The following NCKAP5 variants were observed in gnomAD, a reference collection of about 807,000 sequenced individuals.
The protein encoded by NCKAP5 is nck-associated protein 5.
NCKAP5 carries 92 observed loss-of-function variants against 167.0 expected under a neutral mutation model. The ratio of observed to expected loss-of-function variants is 0.55; its 90% CI spans 0.47 to 0.66. The LOEUF (loss-of-function observed/expected upper bound fraction) is 0.66, where lower values mean the gene tolerates loss of function less well. Among genes scored for constraint, NCKAP5 ranks in the 30% least tolerant of loss-of-function variants. NCKAP5 has a pLI of 0.00. For synonymous variants in NCKAP5, 891 were observed against 877.4 expected, an observed-to-expected ratio of 1.02 and a Z score of -0.27; for missense variants, 2,378 against 2,315.0, an observed-to-expected ratio of 1.03 and a Z score of -0.56.
At chr2:133,533,348 A>G (rs563959118) in intron 2 of NCKAP5, among the ~76,000 whole-genome samples, 3 of 152,326 alleles carry the variant, frequency 2.0e-5, no homozygotes, top group East Asian at 3.9e-4. Flanking sequence ...AAATCTCTCA[A>G]TGTTTGAAGA....
At chr2:132,977,039 T>C (rs2076996839) in intron 7 of NCKAP5, among the ~76,000 whole-genome samples, 1 of 152,198 alleles carries the variant, frequency 6.6e-6, no homozygotes, top group Admixed American at 6.5e-5. Context: ...ATAGCTCCTA[T>C]GGAGAAGGGA....
intron 3 of NCKAP5, among the ~76,000 whole-genome samples, chr2:133,403,864 T>A (rs1688253768): frequency 6.6e-6 from 1 of 151,758 alleles, no homozygotes; most frequent in Non-Finnish European, 1.5e-5. Flanking sequence ...GGGGTTCCCA[T>A]AAGCTGGTCT....
intron 2 of NCKAP5, among the ~76,000 whole-genome samples, chr2:133,535,626 A>C (rs1685703154): frequency 6.6e-6 from 1 of 151,974 alleles, no homozygotes; most frequent in South Asian, 2.1e-4. Context: ...AATATGATAT[A>C]ATGACTTATT....
chr2:133,343,163 C>T (rs535184403), intron 3 of NCKAP5, among the ~76,000 whole-genome samples: 1 of 152,294 alleles, frequency 6.6e-6, no homozygotes, highest in African/African-American at 2.4e-5. Context: ...GTGCATCCTG[C>T]TAGGCAGTGC....
intron 5 of NCKAP5, among the ~76,000 whole-genome samples, chr2:133,203,953 G>C (rs555354105): frequency 2.6e-5 from 4 of 152,186 alleles, no homozygotes; most frequent in African/African-American, 9.7e-5. Context: ...GAATAAAAAA[G>C]AGGGTGTTTA....
chr2:133,161,049 C>A (rs745482196), intron 5 of NCKAP5, among the ~76,000 whole-genome samples: 1 of 152,150 alleles, frequency 6.6e-6, no homozygotes, highest in Non-Finnish European at 1.5e-5. Context: ...GCTCTGCCTC[C>A]TGTCAGGTCA....
intron 7 of NCKAP5, among the ~76,000 whole-genome samples, chr2:132,976,235 G>A (rs535813890): frequency 1.1e-4 from 16 of 152,130 alleles, no homozygotes; most frequent in South Asian, 8.3e-4. Context: ...TGGAAGCAGC[G>A]GTTGAGGAGA....
At position 132,781,233 on chromosome 2, in the gene NCKAP5, C is replaced by A; in HGVS notation, c.4872-4G>T. ...TGGAGCTGCTTTCTTATCAACTCTG[C>A]AGGTAGAAAGTGATTCCTCTGATAA... On this transcript the variant is annotated splice_polypyrimidine_tract_variant and splice_region_variant and intron_variant, in intron 14 of 19. Transcript: ENST00000409261. The A allele has an allele frequency of 6.2e-7, 1 of 1,612,308 alleles. No individual in the cohort carries two copies. The highest frequency in any genetic ancestry group is 8.5e-7 in the Non-Finnish European group (1 of 1,179,240).
chr2:132,702,784 C>T (rs756147545), intron 19 of NCKAP5, among the ~76,000 whole-genome samples: 11 of 152,192 alleles, frequency 7.2e-5, no homozygotes, highest in Non-Finnish European at 1.5e-4. Context: ...GATTTCCAAA[C>T]CTCCCATCAC....
intron 15 of NCKAP5, among the ~76,000 whole-genome samples, chr2:132,778,770 A>G (rs999138918): frequency 3.9e-5 from 6 of 152,216 alleles, no homozygotes; most frequent in African/African-American, 1.4e-4. Context: ...ATTCACATCA[A>G]TGTGCTGTGG....
At chr2:133,060,987 T>C (rs1201735153) in intron 6 of NCKAP5, among the ~76,000 whole-genome samples, 1 of 151,142 alleles carries the variant, frequency 6.6e-6, no homozygotes, top group Non-Finnish European at 1.5e-5. Context: ...TGCAGCTAAA[T>C]AGAAAAAGCA....
At chr2:133,234,414 G>T (rs2087297955) in intron 4 of NCKAP5, among the ~76,000 whole-genome samples, 1 of 152,082 alleles carries the variant, frequency 6.6e-6, no homozygotes, top group Non-Finnish European at 1.5e-5. Context: ...GTGCTATTCT[G>T]CCAAACTATG....
At chr2:133,635,690 T>C in the NCKAP5 span, among the ~76,000 whole-genome samples, 1 of 152,176 alleles carries the variant, frequency 6.6e-6, no homozygotes, top group African/African-American at 2.4e-5. Context: ...AACACGTTTA[T>C]CAAAGGCTAC....
intron 3 of NCKAP5, among the ~76,000 whole-genome samples, chr2:133,508,431 T>C (rs1683209362): frequency 6.6e-6 from 1 of 152,164 alleles, no homozygotes; most frequent in African/African-American, 2.4e-5. Context: ...GTATTCTGAA[T>C]AGTGTATATG....
chr2:133,290,564 A>C (rs901286164), intron 4 of NCKAP5, among the ~76,000 whole-genome samples: 2 of 152,160 alleles, frequency 1.3e-5, no homozygotes, highest in South Asian at 2.1e-4. Context: ...TTCAATCTTT[A>C]AACTTTCTAA....
intron 4 of NCKAP5, among the ~76,000 whole-genome samples, chr2:133,286,017 G>T (rs1373382725): frequency 6.8e-5 from 10 of 147,516 alleles, no homozygotes; most frequent in African/African-American, 2.3e-4. Context: ...TTTTTTTGAG[G>T]TGGAGTCTTG....
chr2:133,118,965 T>C (rs2082168568), intron 6 of NCKAP5: 1 of 152,094 alleles, frequency 6.6e-6, no homozygotes, highest in Admixed American at 6.6e-5. Context: ...CTTACAAACT[T>C]TGAAACAGAA....
At chr2:133,109,982 A>G (rs2149711908) in intron 6 of NCKAP5, among the ~76,000 whole-genome samples, 1 of 152,320 alleles carries the variant, frequency 6.6e-6, no homozygotes, top group South Asian at 2.1e-4. Flanking sequence ...TGGACTTGAT[A>G]CAAGAAGGCT....
At chr2:133,422,524 C>T (rs1252453304) in intron 3 of NCKAP5, among the ~76,000 whole-genome samples, 2 of 152,114 alleles carry the variant, frequency 1.3e-5, no homozygotes, top group Admixed American at 1.3e-4. Flanking sequence ...GTCTGTGACC[C>T]ATTTTCAGGA....
Sources: allele counts gnomAD v4.1 joint callset (sites outside exome capture counted in the v4.1 genomes callset), GRCh38; gene constraint gnomAD v4.1.1; transcripts MANE v1.5; gene names NCBI Gene and HGNC (gene_info 2026-07-23, HGNC 2026-07-21).